The following BANK1 variants were observed in gnomAD, a reference collection of about 807,000 sequenced individuals.
BANK1 encodes the protein B-cell scaffold protein with ankyrin repeats.
A neutral mutation model predicts 94.5 loss-of-function variants in BANK1; 95 were observed. The observed-to-expected ratio is 1.00, with a 90% CI of 0.85 to 1.19. The LOEUF (loss-of-function observed/expected upper bound fraction) is 1.19. Among genes scored for constraint, BANK1 ranks in the 50% most tolerant of loss-of-function variants. The pLI is 0.00. For missense variants in BANK1, 987 were observed against 932.2 expected (o/e 1.06, Z -0.77); for synonymous variants, 334 against 308.4 (o/e 1.08, Z -0.87).
At chr4:101,985,146 G>A (rs953704748) in intron 7 of BANK1, among the ~76,000 whole-genome samples, 3 of 152,130 alleles carry the variant, frequency 2.0e-5, no homozygotes, top group Non-Finnish European at 2.9e-5. Context: ...TGAGAACCAG[G>A]AGAGCCAATG....
chr4:101,843,341 T>A (rs987057694), intron 2 of BANK1, among the ~76,000 whole-genome samples: 3 of 152,198 alleles, frequency 2.0e-5, no homozygotes, highest in Admixed American at 6.5e-5. Context: ...CATAGTGCCT[T>A]CTTCAAGAGC....
intron 1 of BANK1, among the ~76,000 whole-genome samples, chr4:101,824,461 G>T (rs1726288418): frequency 6.6e-6 from 1 of 152,148 alleles, no homozygotes; most frequent in African/African-American, 2.4e-5. Flanking sequence ...GGAGAAATAT[G>T]AGTTATGATG....
At position 102,033,588 on chromosome 4, in the gene BANK1, G is replaced by T. The variant is rs547487215; in HGVS notation, c.1900+3323G>T. Among the ~76,000 whole-genome samples the T allele has an allele frequency of 2.0e-5, 3 of 152,260 alleles. No homozygotes were observed. The South Asian group carries it at 6.2e-4, about 32-fold the overall frequency. ...TATATGCACACGTAGAAACATTAAA[G>T]AATCTTAAAGATCTTCAGTTTCTAA... On this transcript the variant is annotated intron_variant, in intron 10 of 16. Transcript: ENST00000322953.
At position 102,043,890 on chromosome 4, in the gene BANK1, G is replaced by T. The variant is rs1419013932; in HGVS notation, c.1952G>T (p.Gly651Val). 6.3e-7 allele frequency: 1 copy of T among 1,595,436 alleles called. No individual in the cohort carries two copies. The highest frequency in any genetic ancestry group is 2.2e-5 in the East Asian group (1 of 44,704). Reference protein sequence around the residue: ...RRQSDDDKFCGLPKKQDRARI... With the variant: ...RRQSDDDKFCVLPKKQDRARI... ...CAATCTGATGATGACAAGTTCTGTG[G>T]TCTTCCTAAGAAACAAGGTACTAAC... Residue 651 changes from glycine (G) to valine (V), a missense_variant, in exon 11 of 17, where the codon GGT (glycine) becomes GTT (valine). By Grantham distance (109) the Gly-to-Val change is moderately radical. Transcript: ENST00000322953.
chr4:102,069,607 C>CAGAT (rs1452616443), intron 13 of BANK1, among the ~76,000 whole-genome samples: 1 of 152,082 alleles, frequency 6.6e-6, no homozygotes, highest in Admixed American at 6.5e-5. Flanking sequence ...TTTTCCAAGA[C>CAGAT]AGATAAATGC....
chr4:102,042,681 G>A (rs1013705155), intron 10 of BANK1, among the ~76,000 whole-genome samples: 16 of 151,992 alleles, frequency 1.1e-4, no homozygotes, highest in African/African-American at 3.4e-4. Context: ...GCCAATCACA[G>A]TGGTCCAGCA....
intron 7 of BANK1, among the ~76,000 whole-genome samples, chr4:101,924,562 C>T (rs1309656063): frequency 1.3e-5 from 2 of 151,738 alleles, no homozygotes; most frequent in Non-Finnish European, 2.9e-5. Context: ...TACAGCTAGC[C>T]TCCACAGCAG....
At chr4:101,808,688 C>T (rs1725643008) in intron 1 of BANK1, among the ~76,000 whole-genome samples, 1 of 151,804 alleles carries the variant, frequency 6.6e-6, no homozygotes, top group Non-Finnish European at 1.5e-5. Context: ...AAAAAGGGGG[C>T]AAAGGACATG....
intron 1 of BANK1, among the ~76,000 whole-genome samples, chr4:101,824,157 C>T (rs1170524217): frequency 1.3e-5 from 2 of 152,230 alleles, no homozygotes; most frequent in African/African-American, 2.4e-5. Flanking sequence ...TTCTGTTCCT[C>T]ACTGCCTGAG....
At chr4:101,839,684 G>A (rs946890254) in intron 2 of BANK1, among the ~76,000 whole-genome samples, 1 of 151,946 alleles carries the variant, frequency 6.6e-6, no homozygotes, top group African/African-American at 2.4e-5. Flanking sequence ...TAAGCAGGGA[G>A]GATTTGTCTG....
At chr4:101,853,765 A>G (rs1422238150) in intron 2 of BANK1, among the ~76,000 whole-genome samples, 1 of 152,170 alleles carries the variant, frequency 6.6e-6, no homozygotes, top group Non-Finnish European at 1.5e-5. Context: ...AGGCATTTTC[A>G]GAACCCAAAC....
chr4:101,800,205 C>T (rs923782515), intron 1 of BANK1, among the ~76,000 whole-genome samples: 5 of 151,432 alleles, frequency 3.3e-5, no homozygotes, highest in African/African-American at 4.9e-5. Flanking sequence ...GGGTGCAGCA[C>T]ACCAACATGG....
intron 2 of BANK1, among the ~76,000 whole-genome samples, chr4:101,836,617 A>G (rs1466392992): frequency 1.3e-5 from 2 of 152,238 alleles, no homozygotes; most frequent in Admixed American, 6.5e-5. Context: ...TTTCTGGTAC[A>G]GTTTGGTTTT....
intron 6 of BANK1, among the ~76,000 whole-genome samples, chr4:101,913,014 C>T (rs1179551585): frequency 6.6e-6 from 1 of 152,130 alleles, no homozygotes. Flanking sequence ...GTGTGAAACC[C>T]ATATAAAGGC....
chr4:102,011,950 G>A (rs1414604494), intron 7 of BANK1, among the ~76,000 whole-genome samples: 1 of 152,104 alleles, frequency 6.6e-6, no homozygotes. Context: ...TCTGATAACT[G>A]ATATGAATGG....
chr4:102,043,775 T>G, intron 10 of BANK1, 64 bp from the exon 11 acceptor site: 1 of 1,072,862 alleles, frequency 9.3e-7, no homozygotes, highest in Non-Finnish European at 1.4e-6. Flanking sequence ...TCCTGGAGAC[T>G]TCTACAGTAT....
At chr4:101,793,279 T>A (rs933351160) in intron 1 of BANK1, among the ~76,000 whole-genome samples, 2 of 152,188 alleles carry the variant, frequency 1.3e-5, no homozygotes, top group African/African-American at 4.8e-5. Flanking sequence ...TTGCTTTGAC[T>A]GCAATCTTCC....
chr4:101,801,690 C>A (rs1725360249), intron 1 of BANK1, among the ~76,000 whole-genome samples: 1 of 152,178 alleles, frequency 6.6e-6, no homozygotes, highest in Non-Finnish European at 1.5e-5. Context: ...ATTTTGATTT[C>A]ATCTGTGTGT....
intron 7 of BANK1, among the ~76,000 whole-genome samples, chr4:102,007,797 G>A (rs1004346823): frequency 1.3e-5 from 2 of 152,058 alleles, no homozygotes; most frequent in Non-Finnish European, 2.9e-5. Flanking sequence ...TGAAGTCATA[G>A]TGGTCATCCT....
Sources: gnomAD v4.1 joint callset for allele counts (sites outside exome capture counted in the v4.1 genomes callset) on GRCh38, gnomAD v4.1.1 for gene constraint, MANE v1.5 for transcripts, NCBI Gene and HGNC (gene_info 2026-07-23, HGNC 2026-07-21) for gene names.